NDUFA10: variants seen among roughly 807,000 people sequenced by gnomAD.
NDUFA10 encodes the protein NADH:ubiquinone oxidoreductase subunit A10.
Under a neutral mutation model 47.8 loss-of-function variants are expected in NDUFA10, and 40 were observed. The ratio of observed to expected loss-of-function variants is 0.84; its 90% confidence interval spans 0.65 to 1.09. The LOEUF (loss-of-function observed/expected upper bound fraction) is 1.09. NDUFA10 is among the 50% of genes least tolerant of loss of function. The pLI is 0.00. For missense variants in NDUFA10, 413 were observed against 451.1 expected (o/e 0.92, Z 0.76); for synonymous variants, 183 against 172.2 (o/e 1.06, Z -0.49).
At chr2:239,895,015 A>C (rs946609138) in intron 5 of NDUFA10, among the ~76,000 whole-genome samples, 2 of 152,272 alleles carry the variant, frequency 1.3e-5, no homozygotes, top group Admixed American at 1.3e-4. Context: ...CCAGAAACCC[A>C]GAACCCAGTT....
rs527474713 is a variant in NDUFA10, at chr2:240,016,078, T to C, written c.548-1218A>G. Among the ~76,000 whole-genome samples, 3 of 151,336 alleles carry C rather than the reference T, an allele frequency of 2.0e-5. No homozygotes were observed. The highest frequency in any genetic ancestry group is 4.4e-5 in the Non-Finnish European group (3 of 67,852). ...TTAAAAATTAAATTAAAAAAAAAAG[T>C]TCCAGTGAGCATTCCTAGTAACCTC... On this transcript the variant is annotated intron_variant, in intron 4 of 9. Coordinates refer to ENST00000252711, the MANE Select transcript of NDUFA10 (RefSeq NM_004544.4). This position sits in a 1 kb window ranked among gnomAD's most constrained non-coding sequence, Gnocchi z 4.4.
intron 4 of NDUFA10, chr2:239,895,323 G>A (rs1252669952): frequency 1.9e-5 from 9 of 464,206 alleles, no homozygotes; most frequent in South Asian, 6.3e-5. Context: ...ACCTAGAGAC[G>A]AAGAGGACAG....
At chr2:239,933,510 T>TG (rs1694212274) in intron 4 of NDUFA10, among the ~76,000 whole-genome samples, 1 of 98,282 alleles carries the variant, frequency 1.0e-5, no homozygotes, top group Admixed American at 1.0e-4. Context: ...ATGGTTTTTT[T>TG]TTTGTTTTTT....
intron 8 of NDUFA10, among the ~76,000 whole-genome samples, chr2:240,002,209 T>G (rs970945918): frequency 6.6e-6 from 1 of 151,738 alleles, no homozygotes; most frequent in Admixed American, 6.6e-5. Flanking sequence ...TGCATGCCTA[T>G]AATCCCATCT....
At chr2:239,935,776 T>TTC (rs1280514760) in intron 4 of NDUFA10, among the ~76,000 whole-genome samples, 1 of 152,224 alleles carries the variant, frequency 6.6e-6, no homozygotes, top group Non-Finnish European at 1.5e-5. Context: ...TTGGCTCCCA[T>TTC]TCTCTTTTGC....
chr2:239,993,251 G>A (rs1208609389), intron 8 of NDUFA10, among the ~76,000 whole-genome samples: 1 of 152,206 alleles, frequency 6.6e-6, no homozygotes, highest in African/African-American at 2.4e-5. Flanking sequence ...TTACCACAGG[G>A]AGGTCAAGTC....
chr2:239,988,970 G>C (rs370710501), intron 9 of NDUFA10, among the ~76,000 whole-genome samples: 1 of 137,574 alleles, frequency 7.3e-6, no homozygotes. Flanking sequence ...AAGTGTACAA[G>C]GACAGAAAGG....
downstream of NDUFA10, among the ~76,000 whole-genome samples, chr2:239,955,009 TTC>T (rs1447720586): frequency 5.3e-5 from 8 of 152,234 alleles, no homozygotes; most frequent in Non-Finnish European, 1.5e-5. Context: ...CTAAATTACT[TTC>T]TCTCAACAAG....
At chr2:239,929,525 G>A (rs1461218649) in intron 4 of NDUFA10, among the ~76,000 whole-genome samples, 1 of 152,146 alleles carries the variant, frequency 6.6e-6, no homozygotes, top group African/African-American at 2.4e-5. Context: ...CTTGTGGGAG[G>A]CTAGTGCACC....
Position 240,025,189 on chromosome 2 carries a change from TGCCACCCCGCCACCCTGCCACCCC to T in NDUFA10, c.75+14_75+37del. 1 of 222,010 alleles carries T rather than the reference TGCCACCCCGCCACCCTGCCACCCC, an allele frequency of 4.5e-6. No individual in the cohort carries two copies. The allele number at this position is 222,010 out of a possible 1,614,324, so 13.8% of individuals were successfully genotyped here. Reference sequence around the variant, plus strand: ...TCCCCACCCCGCCACCCCGCCACCCTGCCACCCCGCCACCCTGCCACCCCGCCGCCCGCTCACCACGCGCTGGGC... The same window carrying T: ...TCCCCACCCCGCCACCCCGCCACCCTGCCGCCCGCTCACCACGCGCTGGGC... On this transcript the variant is annotated intron_variant, in intron 1 of 9. Transcript: ENST00000252711.
At chr2:240,005,083 A>G in intron 8 of NDUFA10, 127 bp downstream of exon 8, 1 of 820,658 alleles carries the variant, frequency 1.2e-6, no homozygotes, top group Non-Finnish European at 2.1e-6. Flanking sequence ...AAGAAAAAAT[A>G]CCTCTAAGTA....
chr2:239,925,158 C>T (rs1262188811), intron 4 of NDUFA10, among the ~76,000 whole-genome samples: 1 of 151,986 alleles, frequency 6.6e-6, no homozygotes, highest in Non-Finnish European at 1.5e-5. Context: ...AAAATCCTAG[C>T]AGAAATCTGT....
chr2:240,013,089 T>G (rs983737873), intron 5 of NDUFA10: 1 of 152,250 alleles, frequency 6.6e-6, no homozygotes, highest in Non-Finnish European at 1.5e-5. Context: ...AACACAACCA[T>G]CTCAGAAATC....
intron 4 of NDUFA10, among the ~76,000 whole-genome samples, chr2:239,943,647 C>T (rs1467415517): frequency 2.0e-5 from 3 of 152,172 alleles, no homozygotes; most frequent in South Asian, 4.1e-4. Context: ...TTTTAATGTC[C>T]ATGAGCAGGG....
chr2:239,922,767 C>A (rs530167964), intron 4 of NDUFA10, among the ~76,000 whole-genome samples: 1 of 152,290 alleles, frequency 6.6e-6, no homozygotes, highest in East Asian at 1.9e-4. Context: ...GTTTCCACCC[C>A]AGGTGTCATC....
At chr2:240,017,766 A>T in intron 4 of NDUFA10, 1 of 1,459,180 alleles carries the variant, frequency 6.9e-7, no homozygotes, top group Non-Finnish European at 9.4e-7. Context: ...CGGCAACACC[A>T]GGACACACAA....
intron 4 of NDUFA10, among the ~76,000 whole-genome samples, chr2:239,947,298 A>G (rs1417118606): frequency 1.3e-5 from 2 of 152,334 alleles, no homozygotes; most frequent in African/African-American, 4.8e-5. Flanking sequence ...GCAGGTGCCT[A>G]AGGCCTACAT....
chr2:239,955,968 G>A (rs556109893), downstream of NDUFA10, among the ~76,000 whole-genome samples: 7 of 152,314 alleles, frequency 4.6e-5, no homozygotes, highest in East Asian at 1.2e-3. Context: ...TGCAGCCAGG[G>A]AGGCAGGGGC....
Position 239,907,785 on chromosome 2 carries a change from T to G in NDUFA10, c.295-12471A>C, listed in dbSNP as rs538404641. Among the ~76,000 whole-genome samples, 6 of 152,284 alleles carry G rather than the reference T, an allele frequency of 3.9e-5. No homozygotes were observed. In the East Asian group the frequency reaches 1.2e-3, roughly 29 times the overall value. ...AGGATGTGGAGAAATAGGAACACTTTTACACTGTTGGTGGGAGTGTAAACT... is the reference window on the plus strand; with the variant it reads ...AGGATGTGGAGAAATAGGAACACTTGTACACTGTTGGTGGGAGTGTAAACT... On this transcript the variant is annotated intron_variant, in intron 4 of 5. Coordinates refer to the NDUFA10 transcript ENST00000419408.
Sources: allele counts gnomAD v4.1 joint callset (sites outside exome capture counted in the v4.1 genomes callset), GRCh38; gene constraint gnomAD v4.1.1; non-coding constraint Gnocchi (gnomAD v3.1); transcripts MANE v1.5; gene names NCBI Gene and HGNC (gene_info 2026-07-23, HGNC 2026-07-21).